The following ARHGEF4 variants were observed in gnomAD, a reference collection of about 807,000 sequenced individuals.
ARHGEF4 encodes the protein APC-stimulated guanine nucleotide exchange factor 1.
In ARHGEF4, 119 loss-of-function variants were observed where a neutral mutation model predicts 162.0. The observed-to-expected ratio is 0.73, with a 90% CI of 0.63 to 0.86. The LOEUF is 0.86. ARHGEF4 is among the 40% of genes least tolerant of loss of function. The pLI is 0.00. For missense variants in ARHGEF4, 2,488 were observed against 2,456.0 expected (o/e 1.01, Z -0.28); for synonymous variants, 1,014 against 979.9 (o/e 1.03, Z -0.65).
At chr2:131,039,928 C>T (rs373292738) in intron 6 of ARHGEF4, 88 bp from the exon 7 acceptor site, 2 of 1,493,458 alleles carry the variant, frequency 1.3e-6, no homozygotes, top group South Asian at 1.3e-5. Context: ...GCGGGGCCTC[C>T]GAGGCCCGGT....
intron 1 of ARHGEF4, among the ~76,000 whole-genome samples, chr2:130,851,912 T>C (rs889149722): frequency 3.3e-5 from 5 of 152,240 alleles, no homozygotes; most frequent in Admixed American, 2.0e-4. Context: ...GCCAGGTTGG[T>C]GCTTAACTGT....
chr2:130,966,985 A>T (rs375345613), intron 4 of ARHGEF4, among the ~76,000 whole-genome samples: 1 of 152,330 alleles, frequency 6.6e-6, no homozygotes, highest in African/African-American at 2.4e-5. Context: ...AGGAAGATTA[A>T]GAGTTCCCAG....
chr2:130,888,236 A>G (rs1434225295), intron 1 of ARHGEF4, among the ~76,000 whole-genome samples: 1 of 145,542 alleles, frequency 6.9e-6, no homozygotes, highest in Non-Finnish European at 1.5e-5. Context: ...GCACTTTGGG[A>G]GGCCAAGGCG....
At chr2:130,898,026 C>T (rs1439901511) in intron 1 of ARHGEF4, among the ~76,000 whole-genome samples, 1 of 152,198 alleles carries the variant, frequency 6.6e-6, no homozygotes, top group African/African-American at 2.4e-5. Context: ...CAAGTACAGG[C>T]AGAATACAGG....
rs147228915 is a variant in ARHGEF4, at chr2:130,910,402, G to C, written c.40-3584G>C. Among the ~76,000 whole-genome samples, 888 of 152,220 alleles carry C rather than the reference G, an allele frequency of 5.8e-3. 12 individuals carry two copies. The highest frequency in any genetic ancestry group is 0.02 in the African/African-American group (824 of 41,528). On this transcript the variant is annotated intron_variant, in intron 1 of 13. Transcript: ENST00000409359. ...GCCTTTAAAGGAAAAGTCTTTCTTAGGGATAAGAAAGTAAAAAAGCCTTTA... is the reference window on the plus strand; with the variant it reads ...GCCTTTAAAGGAAAAGTCTTTCTTACGGATAAGAAAGTAAAAAAGCCTTTA...
chr2:130,923,236 A>G (rs1682002846), intron 2 of ARHGEF4, among the ~76,000 whole-genome samples: 1 of 152,112 alleles, frequency 6.6e-6, no homozygotes, highest in Admixed American at 6.6e-5. Flanking sequence ...GGGCATAATG[A>G]TATCTTTTGA....
intron 4 of ARHGEF4, among the ~76,000 whole-genome samples, chr2:130,952,479 A>G (rs1208962531): frequency 6.6e-6 from 1 of 152,208 alleles, no homozygotes; most frequent in African/African-American, 2.4e-5. Context: ...AAAAACTGGA[A>G]GCATTCCCTT....
rs139335654 is a variant in ARHGEF4, at chr2:131,028,046, C to T, written c.4087C>T (p.His1363Tyr). Residue 1363 changes from histidine (H) to tyrosine (Y), a missense_variant, in exon 5 of 14, where the codon CAC becomes TAC. Physicochemically the swap from His to Tyr is moderately conservative, Grantham distance 83. Transcript: ENST00000409359. ...DLHSSSHHYS[H>Y]PGGGGEQLAI... ...GCACAGCTCCAGCCACCACTACAGC[C>T]ACCCTGGAGGGGGTGGGGAGCAGCT... 2.5e-5 allele frequency: 40 copies of T among 1,613,984 alleles called. No individual in the cohort carries two copies. Among genetic ancestry groups the T allele is most frequent in the Admixed American group, 1.2e-4 (7 of 60,008 alleles).
chr2:130,893,465 T>C (rs1679976984), intron 1 of ARHGEF4, among the ~76,000 whole-genome samples: 1 of 152,244 alleles, frequency 6.6e-6, no homozygotes, highest in Admixed American at 6.5e-5. Context: ...AAATGCCACC[T>C]GACTGTCAAC....
At chr2:130,881,341 A>G (rs571211403) in intron 1 of ARHGEF4, among the ~76,000 whole-genome samples, 69 of 152,346 alleles carry the variant, frequency 4.5e-4, no homozygotes, top group Middle Eastern at 3.4e-3. Context: ...AAAGCACTCA[A>G]CGCAGAGCTT....
intron 4 of ARHGEF4, among the ~76,000 whole-genome samples, chr2:131,020,513 A>G (rs1689051778): frequency 6.6e-6 from 1 of 152,138 alleles, no homozygotes; most frequent in Non-Finnish European, 1.5e-5. Flanking sequence ...TTTACAAAGG[A>G]CATGAACTCA....
At chr2:130,941,628 T>C (rs1218231553) in intron 3 of ARHGEF4, among the ~76,000 whole-genome samples, 1 of 152,200 alleles carries the variant, frequency 6.6e-6, no homozygotes, top group African/African-American at 2.4e-5. Context: ...ATAAGTAGTA[T>C]ATATAGTATT....
At chr2:130,997,064 G>C (rs887817325) in intron 4 of ARHGEF4, among the ~76,000 whole-genome samples, 1 of 152,132 alleles carries the variant, frequency 6.6e-6, no homozygotes, top group Non-Finnish European at 1.5e-5. Context: ...ACTATTGCTG[G>C]TTTATGGCTT....
intron 5 of ARHGEF4, among the ~76,000 whole-genome samples, chr2:131,032,291 A>C (rs1193808137): frequency 6.6e-6 from 1 of 151,822 alleles, no homozygotes. Context: ...GGCATTCTCC[A>C]TGAGACAACC....
Position 130,988,404 on chromosome 2 carries a change from A to C in ARHGEF4, c.3986-39541A>C, listed in dbSNP as rs370944976. 4.0e-4 allele frequency among the ~76,000 whole-genome samples: 61 copies of C among 152,358 alleles called. 1 individual carries two copies. Among genetic ancestry groups the C allele is most frequent in the African/African-American group, 1.4e-3 (57 of 41,586 alleles). ...ATGAAATGGTGGTGTGTGGGCACTA[A>C]GAAAGGAGATTGGCTCTGTTTCAGA... is the stretch of plus-strand genomic sequence containing the variant. On this transcript the variant is annotated intron_variant, in intron 4 of 13. Coordinates refer to ENST00000409359, the MANE Select transcript of ARHGEF4 (RefSeq NM_001367493.1).
chr2:130,922,089 G>A lies in ARHGEF4; in HGVS notation c.3552+4591G>A, dbSNP rs139848979. The stretch of plus-strand genomic sequence containing the variant: ...TCTAGTTTAAAAAGAGTTTATTCAG[G>A]CCGGGCGCAGTGGCTCAAGCCTGTA... On this transcript the variant is annotated intron_variant, in intron 2 of 13. Coordinates refer to ENST00000409359, the MANE Select transcript of ARHGEF4 (RefSeq NM_001367493.1). Among the ~76,000 whole-genome samples, 277 of 151,958 alleles carry A rather than the reference G, an allele frequency of 1.8e-3. 2 individuals are homozygous for A. Among genetic ancestry groups the A allele is most frequent in the Non-Finnish European group, 3.1e-3 (209 of 67,946 alleles).
intron 1 of ARHGEF4, among the ~76,000 whole-genome samples, chr2:130,883,068 C>T (rs932189499): frequency 2.0e-5 from 3 of 152,200 alleles, no homozygotes; most frequent in African/African-American, 7.2e-5. Flanking sequence ...ACCTCTAACC[C>T]CTATGAGTTA....
At chr2:131,021,951 T>C (rs1236901610) in intron 4 of ARHGEF4, among the ~76,000 whole-genome samples, 9 of 152,258 alleles carry the variant, frequency 5.9e-5, no homozygotes, top group Admixed American at 5.2e-4. Flanking sequence ...TAGTGTATTA[T>C]ATTGATTTGC....
chr2:130,957,470 G>A (rs1684358161), intron 4 of ARHGEF4, among the ~76,000 whole-genome samples: 1 of 152,080 alleles, frequency 6.6e-6, no homozygotes, highest in Non-Finnish European at 1.5e-5. Context: ...AGTGAGAATC[G>A]GGATTAACTA....
Sources: gnomAD v4.1 joint callset for allele counts (sites outside exome capture counted in the v4.1 genomes callset) on GRCh38, gnomAD v4.1.1 for gene constraint, MANE v1.5 for transcripts, NCBI Gene and HGNC (gene_info 2026-07-23, HGNC 2026-07-21) for gene names.